LRP1B: variants seen among roughly 807,000 people sequenced by gnomAD.
LRP1B encodes LDL receptor related protein 1B, also known as low-density lipoprotein receptor-related protein 1B.
A neutral mutation model predicts 556.6 loss-of-function variants in LRP1B; 217 were observed. The ratio of observed to expected loss-of-function variants is 0.39; its 90% confidence interval spans 0.35 to 0.44. The LOEUF (loss-of-function observed/expected upper bound fraction) is 0.44, where lower values mean the gene tolerates loss of function less well. Among genes scored for constraint, LRP1B ranks in the 20% least tolerant of loss-of-function variants. LRP1B has a pLI of 1.00. For synonymous variants in LRP1B, 2,047 were observed against 1,865.8 expected, an observed-to-expected ratio of 1.10 and a Z score of -2.50; for missense variants, 5,053 against 5,620.8, an observed-to-expected ratio of 0.90 and a Z score of 3.23.
At chr2:141,541,211 G>T (rs1335059668) in intron 2 of LRP1B, among the ~76,000 whole-genome samples, 3 of 151,912 alleles carry the variant, frequency 2.0e-5, no homozygotes, top group Non-Finnish European at 4.4e-5. Context: ...AGAGGTTCCA[G>T]GTGTTTTACT....
At chr2:141,304,113 T>C (rs1686495792) in intron 3 of LRP1B, among the ~76,000 whole-genome samples, 1 of 152,148 alleles carries the variant, frequency 6.6e-6, no homozygotes, top group South Asian at 2.1e-4. Flanking sequence ...ATGGGATTAT[T>C]TGTTTCTTCA....
At chr2:141,907,424 T>C (rs1048301009) in intron 1 of LRP1B, among the ~76,000 whole-genome samples, 1 of 152,020 alleles carries the variant, frequency 6.6e-6, no homozygotes, top group African/African-American at 2.4e-5. Context: ...CAGATTTCTA[T>C]ATCGCTTTCT....
chr2:140,728,416 A>T (rs13385409), intron 35 of LRP1B, among the ~76,000 whole-genome samples: 23,563 of 152,058 alleles, frequency 0.15, 1,908 homozygotes, highest in South Asian at 0.2. Flanking sequence ...CCAAGGAGAA[A>T]TTTTTTTATT....
chr2:140,421,507 G>A (rs761261599), intron 66 of LRP1B, among the ~76,000 whole-genome samples: 1 of 151,946 alleles, frequency 6.6e-6, no homozygotes, highest in Admixed American at 6.6e-5. Context: ...GACAAGAAAT[G>A]CAAGATTTCA....
At chr2:141,698,927 G>A (rs1485744958) in intron 2 of LRP1B, among the ~76,000 whole-genome samples, 1 of 151,806 alleles carries the variant, frequency 6.6e-6, no homozygotes, top group African/African-American at 2.4e-5. Context: ...TTATTTTGAT[G>A]CAGGCATTGC....
At chr2:140,614,400 G>A (rs968312601) in intron 41 of LRP1B, among the ~76,000 whole-genome samples, 3 of 151,696 alleles carry the variant, frequency 2.0e-5, no homozygotes, top group Admixed American at 2.0e-4. Flanking sequence ...TTCTTCCTAG[G>A]AGTACTATTC....
intron 31 of LRP1B, among the ~76,000 whole-genome samples, chr2:140,831,096 T>C (rs1304080447): frequency 3.3e-5 from 5 of 151,406 alleles, no homozygotes; most frequent in African/African-American, 9.7e-5. Context: ...GCTCATGGAG[T>C]AGAACAATTA....
intron 66 of LRP1B, among the ~76,000 whole-genome samples, chr2:140,411,090 T>A (rs1380302934): frequency 1.3e-5 from 2 of 152,172 alleles, no homozygotes; most frequent in African/African-American, 2.4e-5. Context: ...ATATACTGGT[T>A]AATTCAGCAT....
chr2:141,231,483 G>A (rs927738696), intron 5 of LRP1B, among the ~76,000 whole-genome samples: 1 of 152,108 alleles, frequency 6.6e-6, no homozygotes, highest in Admixed American at 6.6e-5. Flanking sequence ...AAAGACACAG[G>A]GTTTTATTTA....
At chr2:140,561,455 T>C (rs377251815) in intron 43 of LRP1B, among the ~76,000 whole-genome samples, 1 of 152,162 alleles carries the variant, frequency 6.6e-6, no homozygotes, top group South Asian at 2.1e-4. Context: ...TTTCCTTGTG[T>C]CTTTGGGTAT....
chr2:140,480,730 C>T (rs533296045), intron 59 of LRP1B, among the ~76,000 whole-genome samples: 34 of 152,168 alleles, frequency 2.2e-4, no homozygotes, highest in Admixed American at 1.6e-3. Context: ...CTTGAACCAC[C>T]GTGCCTGGCC....
At chr2:141,793,757 T>G (rs1249072056) in intron 2 of LRP1B, among the ~76,000 whole-genome samples, 1 of 151,956 alleles carries the variant, frequency 6.6e-6, no homozygotes, top group Non-Finnish European at 1.5e-5. Context: ...TTATATTTGT[T>G]TTAACGTGTA....
At chr2:140,534,632 T>C (rs924790650) in intron 46 of LRP1B, among the ~76,000 whole-genome samples, 11 of 152,146 alleles carry the variant, frequency 7.2e-5, no homozygotes, top group African/African-American at 2.7e-4. Flanking sequence ...TTAAAAATTA[T>C]CTTAAAATAT....
intron 2 of LRP1B, among the ~76,000 whole-genome samples, chr2:141,706,739 G>T (rs1241983321): frequency 6.6e-6 from 1 of 151,978 alleles, no homozygotes; most frequent in Non-Finnish European, 1.5e-5. Context: ...GGCCAAAAAA[G>T]TATGGATTAT....
chr2:141,667,892 T>A (rs1238938021), intron 2 of LRP1B, among the ~76,000 whole-genome samples: 1 of 152,164 alleles, frequency 6.6e-6, no homozygotes, highest in Non-Finnish European at 1.5e-5. Flanking sequence ...TAAATTAACA[T>A]GTGAATAAGA....
At chr2:142,073,981 C>T (rs1198525657) in intron 1 of LRP1B, among the ~76,000 whole-genome samples, 1 of 152,002 alleles carries the variant, frequency 6.6e-6, no homozygotes, top group Non-Finnish European at 1.5e-5. Context: ...CCAATTAAAT[C>T]TCTTTTATTT....
intron 31 of LRP1B, among the ~76,000 whole-genome samples, chr2:140,833,437 G>T (rs1488796908): frequency 2.0e-5 from 3 of 152,148 alleles, no homozygotes; most frequent in African/African-American, 7.2e-5. Flanking sequence ...CCAAAAATTG[G>T]TTAAAATCTT....
At chr2:141,374,013 A>C (rs549619906) in intron 3 of LRP1B, among the ~76,000 whole-genome samples, 1 of 152,214 alleles carries the variant, frequency 6.6e-6, no homozygotes, top group Non-Finnish European at 1.5e-5. Flanking sequence ...TACATGTTTA[A>C]GATCCTTTTG....
intron 43 of LRP1B, among the ~76,000 whole-genome samples, chr2:140,548,380 C>T (rs1438352723): frequency 6.6e-6 from 1 of 152,142 alleles, no homozygotes; most frequent in Non-Finnish European, 1.5e-5. Flanking sequence ...AAAGTTTAAA[C>T]ACAGAGAAAT....
Sources: allele counts gnomAD v4.1 joint callset (sites outside exome capture counted in the v4.1 genomes callset), GRCh38; gene constraint gnomAD v4.1.1; transcripts MANE v1.5; gene names NCBI Gene and HGNC (gene_info 2026-07-23, HGNC 2026-07-21).